FNBP1: variants seen among roughly 807,000 people sequenced by gnomAD.
FNBP1 encodes formin binding protein 1.
Under a neutral mutation model 90.6 loss-of-function variants are expected in FNBP1, and 26 were observed. The observed-to-expected ratio is 0.29, with a 90% confidence interval of 0.21 to 0.40. The LOEUF (loss-of-function observed/expected upper bound fraction) is 0.40. Among genes scored for constraint, FNBP1 ranks in the 10% least tolerant of loss-of-function variants. The pLI, the probability that FNBP1 is intolerant of heterozygous loss-of-function variation, is 1.00. For synonymous variants in FNBP1, 260 were observed against 265.2 expected, an observed-to-expected ratio of 0.98 and a Z score of 0.19; for missense variants, 635 against 768.0, an observed-to-expected ratio of 0.83 and a Z score of 2.05.
chr9:130,023,816 T>C (rs1038905255), intron 1 of FNBP1, among the ~76,000 whole-genome samples: 1 of 152,166 alleles, frequency 6.6e-6, no homozygotes, highest in Non-Finnish European at 1.5e-5. Context: ...CAATCTTCCA[T>C]CCACGTGAGT....
intron 12 of FNBP1, among the ~76,000 whole-genome samples, 184 bp downstream of exon 12, chr9:129,908,706 C>T (rs1450238206): frequency 6.6e-6 from 1 of 152,030 alleles, no homozygotes; most frequent in Non-Finnish European, 1.5e-5. Flanking sequence ...ACGTGTGCCA[C>T]TGCACCTGGC....
chr9:129,905,918 T>C (rs2037969322), intron 12 of FNBP1, among the ~76,000 whole-genome samples: 1 of 151,440 alleles, frequency 6.6e-6, no homozygotes, highest in Admixed American at 6.6e-5. Context: ...AGTTTTGCTC[T>C]TGTTGCCTAG....
chr9:130,014,167 A>C (rs1008776049), intron 1 of FNBP1: 2 of 417,696 alleles, frequency 4.8e-6, no homozygotes, highest in Admixed American at 2.7e-5. Context: ...ATAGGGTGGC[A>C]GAGGCTTAGA....
chr9:129,929,539 T>C (rs201219165), intron 7 of FNBP1, 28 bp downstream of exon 7: 4 of 1,608,676 alleles, frequency 2.5e-6, no homozygotes, highest in Non-Finnish European at 3.4e-6. Context: ...GCATAAAACA[T>C]GAAATCTGAG....
At position 129,929,712 on chromosome 9, in the gene FNBP1, G is replaced by A; in HGVS notation, c.514-17C>T. On this transcript the variant is annotated splice_polypyrimidine_tract_variant and intron_variant, in intron 6 of 16. Coordinates refer to ENST00000446176, the MANE Select transcript of FNBP1 (RefSeq NM_015033.3). ...TTGTCGGGCCTTAGGGCAAAAACAAGAATACTCCTACGTTTATACACCATA... is the reference window on the plus strand; with the variant it reads ...TTGTCGGGCCTTAGGGCAAAAACAAAAATACTCCTACGTTTATACACCATA... 3 of 1,613,678 alleles carry A rather than the reference G, an allele frequency of 1.9e-6. No homozygotes were observed. The highest frequency in any genetic ancestry group is 2.5e-6 in the Non-Finnish European group (3 of 1,179,616).
At chr9:129,929,388 T>C (rs2417159) in intron 7 of FNBP1, among the ~76,000 whole-genome samples, 179 bp downstream of exon 7, 140,849 of 141,226 alleles carry the variant, frequency 1, 70,238 homozygotes, top group Non-Finnish European at 1. Flanking sequence ...CCAGCCTGGG[T>C]GACAAAGCAA....
At chr9:129,909,100 A>G (rs1353837962) in intron 11 of FNBP1, 101 bp from the exon 12 acceptor site, 2 of 784,698 alleles carry the variant, frequency 2.5e-6, no homozygotes, top group South Asian at 1.4e-5. Context: ...AGACATCTGC[A>G]TGTGGCTTCA....
chr9:130,026,501 C>G (rs1192868389), intron 1 of FNBP1, among the ~76,000 whole-genome samples: 1 of 150,766 alleles, frequency 6.6e-6, no homozygotes, highest in Non-Finnish European at 1.5e-5. Flanking sequence ...CTCAAAAAAA[C>G]AAACAAAAAA....
intron 4 of FNBP1, among the ~76,000 whole-genome samples, chr9:129,964,205 C>T (rs781224544): frequency 5.9e-5 from 9 of 152,110 alleles, no homozygotes; most frequent in Non-Finnish European, 1.3e-4. Context: ...GGACAGTGAG[C>T]AAGTGTGTGT....
At chr9:130,000,495 T>C (rs1020043190) in intron 1 of FNBP1, among the ~76,000 whole-genome samples, 6 of 152,080 alleles carry the variant, frequency 3.9e-5, no homozygotes, top group African/African-American at 1.2e-4. Flanking sequence ...CGAGACTCCA[T>C]GTCAAAAACA....
At chr9:129,915,287 T>C (rs2040087907) in intron 11 of FNBP1, among the ~76,000 whole-genome samples, 1 of 152,124 alleles carries the variant, frequency 6.6e-6, no homozygotes, top group Non-Finnish European at 1.5e-5. Flanking sequence ...GGTTCTCTAA[T>C]AGCAACATTT....
At chr9:129,903,651 TTTAA>T (rs1337804484) in intron 12 of FNBP1, among the ~76,000 whole-genome samples, 58 of 152,248 alleles carry the variant, frequency 3.8e-4, no homozygotes, top group African/African-American at 1.3e-3. Context: ...TTTAAAAATT[TTTAA>T]TTAATTAATT....
chr9:130,017,881 T>G (rs1212417325), intron 1 of FNBP1, among the ~76,000 whole-genome samples: 1 of 150,764 alleles, frequency 6.6e-6, no homozygotes, highest in Non-Finnish European at 1.5e-5. Context: ...GTTTTTTTTT[T>G]TTTTTTTTTT....
intron 1 of FNBP1, among the ~76,000 whole-genome samples, chr9:130,022,919 G>A (rs1324568458): frequency 6.6e-6 from 1 of 152,264 alleles, no homozygotes; most frequent in East Asian, 1.9e-4. Flanking sequence ...GGCTGAGGCA[G>A]GAGGACTGCT....
chr9:130,017,815 G>GT (rs1321608034), intron 1 of FNBP1, among the ~76,000 whole-genome samples: 1 of 147,872 alleles, frequency 6.8e-6, no homozygotes, highest in Admixed American at 6.7e-5. Flanking sequence ...GGGTGACAGA[G>GT]TGAGACTCCA....
At chr9:130,024,808 G>A (rs1030412335) in intron 1 of FNBP1, among the ~76,000 whole-genome samples, 1 of 152,128 alleles carries the variant, frequency 6.6e-6, no homozygotes, top group African/African-American at 2.4e-5. Context: ...CAATGACATT[G>A]TTTATCTACC....
At chr9:130,023,325 CT>C (rs2058031194) in intron 1 of FNBP1, among the ~76,000 whole-genome samples, 1 of 152,178 alleles carries the variant, frequency 6.6e-6, no homozygotes, top group African/African-American at 2.4e-5. Flanking sequence ...CCCAATTCCC[CT>C]TCTTTAACAG....
chr9:130,028,655 A>G (rs2058556573), intron 1 of FNBP1, among the ~76,000 whole-genome samples: 1 of 152,210 alleles, frequency 6.6e-6, no homozygotes, highest in African/African-American at 2.4e-5. Context: ...GGTTCACACA[A>G]TGGTTCTCAG....
chr9:130,002,501 A>G (rs1459381721), intron 1 of FNBP1, among the ~76,000 whole-genome samples: 2 of 152,048 alleles, frequency 1.3e-5, no homozygotes, highest in Non-Finnish European at 2.9e-5. Flanking sequence ...TGTTAGAAAG[A>G]GCCCAGCACC....
Sources: gnomAD v4.1 joint callset for allele counts (sites outside exome capture counted in the v4.1 genomes callset) on GRCh38, gnomAD v4.1.1 for gene constraint, MANE v1.5 for transcripts, NCBI Gene and HGNC (gene_info 2026-07-23, HGNC 2026-07-21) for gene names.